Variants in MED27 observed in about 807,000 individuals in gnomAD.
The protein encoded by MED27 is mediator of RNA polymerase II transcription subunit 27.
In MED27, 30 loss-of-function variants were observed where a neutral mutation model predicts 38.2. The observed-to-expected ratio is 0.79, with a 90% CI of 0.59 to 1.07. MED27 has a LOEUF of 1.07. Among genes scored for constraint, MED27 ranks in the 50% least tolerant of loss-of-function variants. The pLI is 0.00. For synonymous variants in MED27, 122 were observed against 153.5 expected (o/e 0.79, Z 1.52); for missense variants, 289 against 397.5 (o/e 0.73, Z 2.32).
intron 3 of MED27, among the ~76,000 whole-genome samples, chr9:131,967,565 C>T (rs2131008436): frequency 6.6e-6 from 1 of 151,474 alleles, no homozygotes; most frequent in East Asian, 1.9e-4. Context: ...GATCTCAGCT[C>T]ACTGCAACCT....
intron 3 of MED27, among the ~76,000 whole-genome samples, chr9:132,010,981 T>G (rs1251153921): frequency 1.3e-5 from 2 of 152,124 alleles, no homozygotes; most frequent in African/African-American, 4.8e-5. Context: ...TGTATACATA[T>G]GTAACAAACC....
At chr9:132,045,966 T>C (rs1833328070) in intron 2 of MED27, among the ~76,000 whole-genome samples, 1 of 152,142 alleles carries the variant, frequency 6.6e-6, no homozygotes, top group Non-Finnish European at 1.5e-5. Context: ...ACTGGACAAC[T>C]TGGGAATAAA....
chr9:131,938,475 G>A (rs1830721887), intron 4 of MED27, among the ~76,000 whole-genome samples: 1 of 152,108 alleles, frequency 6.6e-6, no homozygotes. Flanking sequence ...TCTCATCATT[G>A]AGGTCTCTAT....
rs943109708 is a variant in MED27, at chr9:131,862,348, G to A, written c.801+715C>T. Reference sequence around the variant, plus strand: ...TCTGCTGGCGTGAGAGCATGCGGCCGTGTGAGCATGCTGGCGTGAGAGCAT... The same window carrying A: ...TCTGCTGGCGTGAGAGCATGCGGCCATGTGAGCATGCTGGCGTGAGAGCAT... On this transcript the variant is annotated intron_variant, in intron 7 of 7. Coordinates refer to ENST00000292035, the MANE Select transcript of MED27 (RefSeq NM_004269.4). The surrounding 1 kb of genome is among the most constrained non-coding windows in gnomAD (Gnocchi z 4.6). 4.6e-5 allele frequency among the ~76,000 whole-genome samples: 7 copies of A among 152,074 alleles called. No individual in the cohort carries two copies. The highest frequency in any genetic ancestry group is 9.7e-5 in the African/African-American group (4 of 41,336).
intron 1 of MED27, among the ~76,000 whole-genome samples, chr9:132,079,101 T>TAA (rs1405747746): frequency 2.0e-5 from 3 of 151,322 alleles, no homozygotes; most frequent in East Asian, 3.9e-4. Context: ...ACTGATCAGG[T>TAA]GGTTTGGGAG....
chr9:131,995,688 T>C (rs1330683129), intron 3 of MED27, among the ~76,000 whole-genome samples: 1 of 152,166 alleles, frequency 6.6e-6, no homozygotes, highest in Non-Finnish European at 1.5e-5. Context: ...AACCCCTTTC[T>C]GTAGTAGGCC....
In MED27 at chr9:131,861,767, CTTTTTTTT is replaced by C. The variant is rs66880335; in HGVS notation, c.802-1103_802-1096del. 2.8e-5 allele frequency among the ~76,000 whole-genome samples: 4 copies of C among 145,170 alleles called. No homozygotes were observed. The highest frequency in any genetic ancestry group is 4.5e-5 in the Non-Finnish European group (3 of 66,888). ...AGTGCTGTGACAGATGTAAATGGTT[CTTTTTTTT>C]TTTTTTTTTTTTTATGAGACCACAT... On this transcript the variant is annotated intron_variant, in intron 7 of 7. Transcript: ENST00000292035. This position sits in a 1 kb window ranked among gnomAD's most constrained non-coding sequence, Gnocchi z 4.4.
At chr9:131,930,583 T>C (rs2131565438) in intron 4 of MED27, among the ~76,000 whole-genome samples, 1 of 152,278 alleles carries the variant, frequency 6.6e-6, no homozygotes, top group East Asian at 1.9e-4. Context: ...TGGGATTTCA[T>C]CACACCAGAC....
Position 132,073,864 on chromosome 9 carries a change from T to C in MED27, c.348+3578A>G, listed in dbSNP as rs867323291. On this transcript the variant is annotated intron_variant, in intron 2 of 7. Coordinates refer to ENST00000292035, the MANE Select transcript of MED27 (RefSeq NM_004269.4). ...CTGGGGTCTTTGCAGCTTCAGATGT[T>C]GCCAGGGAAAGGCGGACGTCTTAGT... The C allele has an allele frequency of 1.6e-5, 21 of 1,292,176 alleles. 1 individual carries two copies. The South Asian group carries it at 4.2e-4, about 26-fold the overall frequency. The allele number at this position is 1,292,176 out of a possible 1,614,324, so 80.0% of individuals were successfully genotyped here.
intron 2 of MED27, among the ~76,000 whole-genome samples, chr9:132,044,410 T>C (rs548162470): frequency 6.6e-6 from 1 of 152,354 alleles, no homozygotes; most frequent in South Asian, 2.1e-4. Context: ...CCCAGCGCTT[T>C]TTCAGTGATC....
At chr9:132,050,070 G>A (rs78628388) in intron 2 of MED27, among the ~76,000 whole-genome samples, 16 of 152,186 alleles carry the variant, frequency 1.1e-4, no homozygotes, top group African/African-American at 2.2e-4. Flanking sequence ...ATATCAGGGC[G>A]TTGCTCATGA....
chr9:132,044,893 G>A (rs1833297424), intron 2 of MED27, among the ~76,000 whole-genome samples: 1 of 152,118 alleles, frequency 6.6e-6, no homozygotes. Context: ...TTAATTTGGA[G>A]TGCTACTTCA....
intron 2 of MED27, among the ~76,000 whole-genome samples, chr9:132,072,884 C>T (rs1162055760): frequency 1.3e-5 from 2 of 151,990 alleles, no homozygotes; most frequent in Non-Finnish European, 2.9e-5. Context: ...AAGGAAAACA[C>T]AAGTAGAAAT....
At chr9:131,994,871 A>C (rs1249084557) in intron 3 of MED27, among the ~76,000 whole-genome samples, 12 of 152,080 alleles carry the variant, frequency 7.9e-5, no homozygotes, top group Non-Finnish European at 1.6e-4. Context: ...GAGCATACGG[A>C]GGAAGGGGGA....
At chr9:131,992,509 C>G (rs1252464483) in intron 3 of MED27, among the ~76,000 whole-genome samples, 2 of 152,076 alleles carry the variant, frequency 1.3e-5, no homozygotes, top group African/African-American at 2.4e-5. Context: ...AGGATCCTCC[C>G]TCCTCAGGCT....
intron 4 of MED27, among the ~76,000 whole-genome samples, chr9:131,910,918 C>G (rs1229195436): frequency 6.6e-6 from 1 of 152,160 alleles, no homozygotes; most frequent in African/African-American, 2.4e-5. Flanking sequence ...TCCCCACCCC[C>G]CACAACCACC....
intron 2 of MED27, among the ~76,000 whole-genome samples, chr9:132,028,894 G>T (rs1045294642): frequency 6.6e-6 from 1 of 152,124 alleles, no homozygotes; most frequent in African/African-American, 2.4e-5. Context: ...TCCAAGACGC[G>T]CTAAAATCTG....
At chr9:131,896,318 G>A (rs959521908) in intron 4 of MED27, among the ~76,000 whole-genome samples, 1 of 152,188 alleles carries the variant, frequency 6.6e-6, no homozygotes, top group African/African-American at 2.4e-5. Context: ...GTTTGTAACT[G>A]CACATTTTAA....
chr9:132,018,679 C>T (rs557975469), intron 2 of MED27, among the ~76,000 whole-genome samples: 1 of 152,278 alleles, frequency 6.6e-6, no homozygotes, highest in South Asian at 2.1e-4. Context: ...CCCTGGGGTC[C>T]CTGCTACAGC....
Sources: allele counts gnomAD v4.1 joint callset (sites outside exome capture counted in the v4.1 genomes callset), GRCh38; gene constraint gnomAD v4.1.1; non-coding constraint Gnocchi (gnomAD v3.1); transcripts MANE v1.5; gene names NCBI Gene and HGNC (gene_info 2026-07-23, HGNC 2026-07-21).